MTRR: variants seen among roughly 807,000 people sequenced by gnomAD.
The protein encoded by MTRR is methionine synthase reductase.
Under a neutral mutation model 79.2 loss-of-function variants are expected in MTRR, and 63 were observed. The observed-to-expected ratio is 0.80, with a 90% CI of 0.65 to 0.98. The LOEUF (loss-of-function observed/expected upper bound fraction) is 0.98, where lower values mean the gene tolerates loss of function less well. Among genes scored for constraint, MTRR ranks in the 50% least tolerant of loss-of-function variants. The probability of loss-of-function intolerance (pLI) is 0.00; values close to 1 mark genes in which losing one functional copy is unlikely to be tolerated. For synonymous variants in MTRR, 355 were observed against 313.3 expected (o/e 1.13, Z -1.41); for missense variants, 895 against 839.6 (o/e 1.07, Z -0.82).
chr5:7,858,919 ATATT>A lies in MTRR; in HGVS notation n.392-3027_392-3024del, dbSNP rs901040877. On this transcript the variant is annotated intron_variant and non_coding_transcript_variant, in intron 1 of 3. Coordinates refer to the MTRR transcript ENST00000502509. ...CTAAATTGCTTTTCCATTTCTCTAA[ATATT>A]TATTAAAAAAAAGTTTCCATACTAA... Among the ~76,000 whole-genome samples, 7 of 152,128 alleles carry A rather than the reference ATATT, an allele frequency of 4.6e-5. 1 individual carries two copies. The highest frequency in any genetic ancestry group is 3.3e-4 in the Admixed American group (5 of 15,280).
chr5:7,888,092 A>G (rs1471730546), intron 8 of MTRR, among the ~76,000 whole-genome samples: 1 of 151,996 alleles, frequency 6.6e-6, no homozygotes, highest in African/African-American at 2.4e-5. Context: ...ATTATGGGCA[A>G]TTGAGTCATT....
Position 7,896,851 on chromosome 5 carries a change from T to C in MTRR, c.1677-13T>C. 6.2e-7 allele frequency: 1 copy of C among 1,612,756 alleles called. No individual in the cohort carries two copies. The highest frequency in any genetic ancestry group is 8.5e-7 in the Non-Finnish European group (1 of 1,178,830). ...TTATATCACACACCTAAACTTTTTT[T>C]TTTTCCACTTAGAGAGAAACTCCAA... is the stretch of plus-strand genomic sequence containing the variant. On this transcript the variant is annotated splice_polypyrimidine_tract_variant and intron_variant, in intron 12 of 14. Transcript: ENST00000440940.
At chr5:7,865,077 C>T (rs1481214359), upstream of MTRR, among the ~76,000 whole-genome samples, 2 of 151,810 alleles carry the variant, frequency 1.3e-5, no homozygotes, top group South Asian at 2.1e-4. Context: ...TGATATACTG[C>T]GCATAAAAGC....
At chr5:7,870,662 T>G in intron 1 of MTRR, 108 bp from the exon 2 acceptor site, 1 of 1,198,294 alleles carries the variant, frequency 8.3e-7, no homozygotes, top group South Asian at 1.3e-5. Flanking sequence ...CCATTTCATA[T>G]TATGTGTGGG....
At chr5:7,855,992 C>T (rs1250540965) in intron 1 of MTRR, among the ~76,000 whole-genome samples, 1 of 152,118 alleles carries the variant, frequency 6.6e-6, no homozygotes, top group East Asian at 1.9e-4. Flanking sequence ...TCGAGTCAAA[C>T]ATAGGACTAG....
At position 7,892,777 on chromosome 5, in the gene MTRR, A is replaced by T; in HGVS notation, c.1421A>T (p.Glu474Val). 1 of 1,614,202 alleles carries T rather than the reference A, an allele frequency of 6.2e-7. No individual in the cohort carries two copies. Among genetic ancestry groups the T allele is most frequent in the Non-Finnish European group, 8.5e-7 (1 of 1,180,030 alleles). The change falls in exon 11 of 15, where the codon GAA becomes GTA. Residue 474 changes from glutamate (E) to valine (V), a missense_variant. Transcript: ENST00000440940. ...CTCCATTTTGTCTTCAACATTGTGGAATTTCTGTCTACTGCCACAACAGAG... is the reference window on the plus strand; with the variant it reads ...CTCCATTTTGTCTTCAACATTGTGGTATTTCTGTCTACTGCCACAACAGAG... ...GKLHFVFNIVEFLSTATTEVL... is the reference protein window; with the variant it reads ...GKLHFVFNIVVFLSTATTEVL...
intron 2 of MTRR, chr5:7,863,072 G>T (rs527533633): frequency 7.5e-7 from 1 of 1,338,394 alleles, no homozygotes. Flanking sequence ...AGGTTACCTA[G>T]GTAGAAAAGT....
chr5:7,881,071 GT>G (rs1735500427), intron 5 of MTRR, among the ~76,000 whole-genome samples: 2 of 152,138 alleles, frequency 1.3e-5, no homozygotes, highest in African/African-American at 4.8e-5. Flanking sequence ...GCAAAGGATC[GT>G]TTTTATTGGA....
At position 7,870,777 on chromosome 5, in the gene MTRR, G is replaced by C. The variant is rs1747823877; in HGVS notation, c.-18G>C. On this transcript the variant is annotated 5_prime_UTR_variant, in exon 2 of 15. Coordinates refer to ENST00000440940, the MANE Select transcript of MTRR (RefSeq NM_002454.3). ...TTTTCCCCCATTTTTCAGTTTCACT[G>C]TTACATGCCTTGAAGTGATGAGGAG... The C allele has an allele frequency of 6.2e-7, 1 of 1,614,190 alleles. No individual in the cohort carries two copies. Among genetic ancestry groups the C allele is most frequent in the Non-Finnish European group, 8.5e-7 (1 of 1,180,030 alleles).
intron 1 of MTRR, 173 bp downstream of exon 1, chr5:7,869,388 G>A (rs1398815950): frequency 1.5e-6 from 1 of 688,278 alleles, no homozygotes; most frequent in Admixed American, 2.7e-5. Context: ...CTTGGCCTTT[G>A]GCCTTTGGCT....
rs1252294871 is a variant in MTRR, at chr5:7,870,755, T to C, written c.-25-15T>C. 9 of 1,613,952 alleles carry C rather than the reference T, an allele frequency of 5.6e-6. No individual in the cohort carries two copies. Among genetic ancestry groups the C allele is most frequent in the South Asian group, 1.1e-5 (1 of 91,080 alleles). Reference sequence around the variant, plus strand: ...GCTTCATTAAAAAGAGGATCTTTTTTCCCCCATTTTTCAGTTTCACTGTTA... The same window carrying C: ...GCTTCATTAAAAAGAGGATCTTTTTCCCCCCATTTTTCAGTTTCACTGTTA... On this transcript the variant is annotated splice_polypyrimidine_tract_variant and intron_variant, in intron 1 of 14. Transcript: ENST00000440940.
At position 7,873,424 on chromosome 5, in the gene MTRR, G is replaced by A. The variant is rs1453598509; in HGVS notation, c.181G>A (p.Gly61Ser). ...TCTTGTTGTTGTGGTTTCTACCACG[G>A]GCACCGGAGACCCACCCGACACAGC... ...APLVVVVSTT[G>S]TGDPPDTARK... The change falls in exon 3 of 15, where the codon GGC becomes AGC. Residue 61 changes from glycine to serine, a missense_variant. Physicochemically the swap from Gly to Ser is moderately conservative, Grantham distance 56. Transcript: ENST00000440940. 14 of 1,613,988 alleles carry A rather than the reference G, an allele frequency of 8.7e-6. No homozygotes were observed. In the Admixed American group the frequency reaches 1.3e-4, roughly 15 times the overall value.
chr5:7,881,475 T>A (rs1735587564), intron 5 of MTRR, among the ~76,000 whole-genome samples: 1 of 152,058 alleles, frequency 6.6e-6, no homozygotes, highest in Non-Finnish European at 1.5e-5. Context: ...ACTGGCCACA[T>A]CTGCAGGCTC....
intron 6 of MTRR, among the ~76,000 whole-genome samples, chr5:7,883,580 G>A (rs140309269): frequency 9.3e-5 from 14 of 150,410 alleles, no homozygotes; most frequent in African/African-American, 3.4e-4. Flanking sequence ...TGTGGTGCTT[G>A]GTTATGTATG....
rs774032031 is a variant in MTRR at position 7,900,064 on chromosome 5, G to T, written c.*6G>T. 4.3e-6 allele frequency: 7 copies of T among 1,612,874 alleles called. No homozygotes were observed. The highest frequency in any genetic ancestry group is 4.5e-5 in the East Asian group (2 of 44,876). ...TTCAGGATATTTGGTCATAAAACCAGAAATTAAAGAAAGAGGATTAAGCTT... is the reference window on the plus strand; with the variant it reads ...TTCAGGATATTTGGTCATAAAACCATAAATTAAAGAAAGAGGATTAAGCTT... On this transcript the variant is annotated 3_prime_UTR_variant, in exon 15 of 15. Transcript: ENST00000440940.
At position 7,885,781 on chromosome 5, in the gene MTRR, C is replaced by T. The variant is rs752543039; in HGVS notation, c.984C>T (p.Leu328=). The T allele has an allele frequency of 7.4e-6, 12 of 1,613,778 alleles. No individual in the cohort carries two copies. The highest frequency in any genetic ancestry group is 1.0e-5 in the Non-Finnish European group (12 of 1,180,014). Residue 328 remains leucine, a synonymous_variant, in exon 7 of 15, where the codon CTC becomes CTT. Transcript: ENST00000440940. ...GTGATTCTGAGGTACAAAGCCTACT[C>T]CAAAGACTGCAGCTTGAAGATAAAA... ...PNSDSEVQSL[L]QRLQLEDKRE... is the part of the protein sequence containing the mutation.
At chr5:7,881,929 G>T (rs938825317) in intron 5 of MTRR, among the ~76,000 whole-genome samples, 4 of 152,266 alleles carry the variant, frequency 2.6e-5, no homozygotes, top group South Asian at 4.1e-4. Context: ...TGCCAGTGCC[G>T]TCTGTCTGCT....
intron 1 of MTRR, among the ~76,000 whole-genome samples, chr5:7,855,535 T>A (rs1054181908): frequency 2.6e-5 from 4 of 151,758 alleles, no homozygotes; most frequent in Non-Finnish European, 5.9e-5. Flanking sequence ...AGAGATGGGG[T>A]TTTGCTCTGC....
At chr5:7,869,916 G>A in intron 1 of MTRR, 1 of 286,320 alleles carries the variant, frequency 3.5e-6, no homozygotes, top group Non-Finnish European at 5.2e-6. Flanking sequence ...AACTTATCGA[G>A]TACCAGTTTC....
Sources: allele counts gnomAD v4.1 joint callset (sites outside exome capture counted in the v4.1 genomes callset), GRCh38; gene constraint gnomAD v4.1.1; transcripts MANE v1.5; gene names NCBI Gene and HGNC (gene_info 2026-07-23, HGNC 2026-07-21).